TENM3: variants seen among roughly 807,000 people sequenced by gnomAD.
TENM3 encodes the protein teneurin transmembrane protein 3, also known as teneurin-3.
TENM3 carries 63 observed loss-of-function variants against 255.1 expected under a neutral mutation model. The observed-to-expected ratio is 0.25, with a 90% CI of 0.20 to 0.30. TENM3 has a LOEUF of 0.30. TENM3 is among the 10% of genes least tolerant of loss of function. The pLI is 1.00. For synonymous variants in TENM3, 1,306 were observed against 1,322.3 expected, an observed-to-expected ratio of 0.99 and a Z score of 0.27; for missense variants, 2,929 against 3,461.1, an observed-to-expected ratio of 0.85 and a Z score of 3.86.
At chr4:182,665,380 T>C (rs1435586459) in intron 6 of TENM3, among the ~76,000 whole-genome samples, 1 of 152,198 alleles carries the variant, frequency 6.6e-6, no homozygotes, top group Non-Finnish European at 1.5e-5. Flanking sequence ...TCATTGACAA[T>C]GTACCTAGTC....
the TENM3 span, among the ~76,000 whole-genome samples, chr4:181,591,114 T>C: frequency 2.6e-5 from 4 of 152,230 alleles, no homozygotes; most frequent in Non-Finnish European, 4.4e-5. Context: ...AGGTTCAATA[T>C]GGCCTGTTGA....
In TENM3 at chr4:182,502,792, C is replaced by T. The variant is rs191443971; in HGVS notation, c.512-98132C>T. On this transcript the variant is annotated intron_variant, in intron 3 of 27. Transcript: ENST00000511685. ...TTCTTTCCTCATATGTCAGATGATC[C>T]TTGGTTATTCATGTGTATTAAATTG... Among the ~76,000 whole-genome samples, 402 of 151,436 alleles carry T rather than the reference C, an allele frequency of 2.7e-3. 1 individual carries two copies. The highest frequency in any genetic ancestry group is 8.7e-3 in the African/African-American group (358 of 41,248).
intron 2 of TENM3, among the ~76,000 whole-genome samples, chr4:182,326,013 G>T (rs1580166614): frequency 6.6e-6 from 1 of 152,288 alleles, no homozygotes; most frequent in South Asian, 2.1e-4. Flanking sequence ...TGAAACGGAG[G>T]TTCATAGGGG....
the TENM3 span, among the ~76,000 whole-genome samples, chr4:181,989,225 G>A: frequency 7.9e-5 from 12 of 151,956 alleles, no homozygotes; most frequent in Non-Finnish European, 1.2e-4. Flanking sequence ...GAAAAGCAAC[G>A]GTCCAGAAAC....
At chr4:182,150,500 C>G (rs868662498) in intron 1 of TENM3, among the ~76,000 whole-genome samples, 1 of 151,702 alleles carries the variant, frequency 6.6e-6, no homozygotes. Context: ...CAAGACATTC[C>G]AAATATTGTA....
chr4:181,807,505 C>T, the TENM3 span, among the ~76,000 whole-genome samples: 2 of 152,138 alleles, frequency 1.3e-5, no homozygotes, highest in African/African-American at 4.8e-5. Flanking sequence ...AGGCATGCAC[C>T]ACCATGCCCA....
the TENM3 span, among the ~76,000 whole-genome samples, chr4:181,544,408 T>TAAAAAAAAAAAAAAAAAAAAAAAAA: frequency 2.6e-4 from 18 of 68,668 alleles, 3 homozygotes; most frequent in Non-Finnish European, 3.8e-4. Flanking sequence ...CCTTCAGGAT[T>TAAAAAAAAAAAAAAAAAAAAAAAAA]AAAAAAAAAA....
At chr4:182,367,847 C>A (rs186403784) in intron 3 of TENM3, among the ~76,000 whole-genome samples, 30 of 152,158 alleles carry the variant, frequency 2.0e-4, no homozygotes, top group Admixed American at 9.2e-4. Context: ...GGACAGTGAA[C>A]AATAGCAGAT....
the TENM3 span, among the ~76,000 whole-genome samples, chr4:182,035,984 G>A: frequency 2.6e-5 from 4 of 151,956 alleles, no homozygotes; most frequent in East Asian, 1.9e-4. Flanking sequence ...CTTCTATCAC[G>A]GGGTCTTGTG....
intron 3 of TENM3, among the ~76,000 whole-genome samples, chr4:182,479,559 A>G (rs1428211006): frequency 6.6e-6 from 1 of 151,994 alleles, no homozygotes; most frequent in Non-Finnish European, 1.5e-5. Flanking sequence ...GAGGAATGCC[A>G]TTTGTTTTTA....
the TENM3 span, among the ~76,000 whole-genome samples, chr4:181,722,307 G>T: frequency 6.6e-6 from 1 of 152,182 alleles, no homozygotes; most frequent in African/African-American, 2.4e-5. Flanking sequence ...ATAAATACTG[G>T]CTGGGTGAAA....
the TENM3 span, among the ~76,000 whole-genome samples, chr4:181,741,377 T>G: frequency 6.6e-6 from 1 of 152,248 alleles, no homozygotes; most frequent in African/African-American, 2.4e-5. Flanking sequence ...CTAAATCTAT[T>G]AGTAGCTCTT....
chr4:181,761,943 T>G, the TENM3 span, among the ~76,000 whole-genome samples: 2 of 152,204 alleles, frequency 1.3e-5, no homozygotes, highest in Non-Finnish European at 1.5e-5. Flanking sequence ...GACATAATGA[T>G]TCTTTATAAT....
At chr4:181,684,779 G>A in the TENM3 span, among the ~76,000 whole-genome samples, 1 of 152,008 alleles carries the variant, frequency 6.6e-6, no homozygotes, top group African/African-American at 2.4e-5. Flanking sequence ...TTTTGAGGTG[G>A]AGTCTCACTC....
At chr4:181,576,574 A>G in the TENM3 span, among the ~76,000 whole-genome samples, 2 of 152,084 alleles carry the variant, frequency 1.3e-5, no homozygotes, top group Non-Finnish European at 2.9e-5. Flanking sequence ...GAAAAGGGCT[A>G]AGGCTTCTAT....
the TENM3 span, among the ~76,000 whole-genome samples, chr4:181,889,311 C>A: frequency 6.6e-6 from 1 of 152,142 alleles, no homozygotes; most frequent in Admixed American, 6.5e-5. Context: ...CTCTCGCTTC[C>A]ACTCTCACCA....
chr4:181,760,659 A>G, the TENM3 span, among the ~76,000 whole-genome samples: 1 of 152,086 alleles, frequency 6.6e-6, no homozygotes, highest in Non-Finnish European at 1.5e-5. Flanking sequence ...CTTTGGAGAC[A>G]TTTGATAAGT....
chr4:181,563,695 C>G, the TENM3 span, among the ~76,000 whole-genome samples: 1 of 152,174 alleles, frequency 6.6e-6, no homozygotes, highest in Non-Finnish European at 1.5e-5. Context: ...ACTTTTAAAA[C>G]CAATTTTCCA....
At chr4:181,579,335 G>C in the TENM3 span, among the ~76,000 whole-genome samples, 1 of 152,262 alleles carries the variant, frequency 6.6e-6, no homozygotes, top group African/African-American at 2.4e-5. Flanking sequence ...TTTGCAAACT[G>C]TTCTGTCCAT....
Sources: allele counts gnomAD v4.1 joint callset (sites outside exome capture counted in the v4.1 genomes callset), GRCh38; gene constraint gnomAD v4.1.1; transcripts MANE v1.5; gene names NCBI Gene and HGNC (gene_info 2026-07-23, HGNC 2026-07-21).